Variants in DOCK1 observed in about 807,000 individuals in gnomAD.
DOCK1 encodes dedicator of cytokinesis 1.
Under a neutral mutation model 262.7 loss-of-function variants are expected in DOCK1, and 138 were observed. That is an observed-to-expected ratio of 0.53 (90% confidence interval 0.46 to 0.61). DOCK1 has a LOEUF of 0.61. DOCK1 is among the 20% of genes least tolerant of loss of function. The pLI, the probability that DOCK1 is intolerant of heterozygous loss-of-function variation, is 0.00. For synonymous variants in DOCK1, 866 were observed against 867.4 expected (o/e 1.00, Z 0.03); for missense variants, 1,908 against 2,370.7 (o/e 0.80, Z 4.05).
intron 29 of DOCK1, among the ~76,000 whole-genome samples, chr10:127,312,061 C>T (rs1326426985): frequency 6.6e-6 from 1 of 152,042 alleles, no homozygotes; most frequent in South Asian, 2.1e-4. Flanking sequence ...GACGGGGTTT[C>T]ACCATGTTGG....
At chr10:127,021,935 A>G (rs2042455009) in intron 13 of DOCK1, among the ~76,000 whole-genome samples, 1 of 152,046 alleles carries the variant, frequency 6.6e-6, no homozygotes, top group Non-Finnish European at 1.5e-5. Flanking sequence ...TCTTGACGGA[A>G]CCGCTCTTTG....
Position 127,404,363 on chromosome 10 carries a change from G to C in DOCK1, c.4056G>C (p.Val1352=), listed in dbSNP as rs758865822. 6.2e-7 allele frequency: 1 copy of C among 1,613,888 alleles called. No individual in the cohort carries two copies. Among genetic ancestry groups the C allele is most frequent in the Non-Finnish European group, 8.5e-7 (1 of 1,179,876 alleles). Reference sequence around the variant, plus strand: ...AGTTTTATGAAAACATCGTCAAAGTGATCAGGCCCAAGCCTGACTATTTTG... The same window carrying C: ...AGTTTTATGAAAACATCGTCAAAGTCATCAGGCCCAAGCCTGACTATTTTG... ...QAQFYENIVK[V]IRPKPDYFAV... is the part of the protein sequence containing the mutation. Residue 1352 remains valine, a synonymous_variant, in exon 40 of 52, where the codon GTG becomes GTC. Coordinates refer to ENST00000623213, the MANE Select transcript of DOCK1 (RefSeq NM_001290223.2).
chr10:127,219,022 C>T (rs923828219), intron 27 of DOCK1, among the ~76,000 whole-genome samples: 1 of 152,206 alleles, frequency 6.6e-6, no homozygotes, highest in Non-Finnish European at 1.5e-5. Context: ...TTAAAGGATG[C>T]ACTTCTTAAT....
intron 19 of DOCK1, among the ~76,000 whole-genome samples, chr10:127,038,957 A>G (rs2043839768): frequency 6.6e-6 from 1 of 152,184 alleles, no homozygotes; most frequent in South Asian, 2.1e-4. Flanking sequence ...GTGGCGTTCT[A>G]TAAGCATAGA....
intron 23 of DOCK1, among the ~76,000 whole-genome samples, chr10:127,091,152 T>G (rs1434052397): frequency 6.6e-6 from 1 of 152,040 alleles, no homozygotes; most frequent in African/African-American, 2.4e-5. Flanking sequence ...TGGCTAATTT[T>G]TTTTGCATTT....
intron 18 of DOCK1, among the ~76,000 whole-genome samples, chr10:127,036,247 G>C (rs892781738): frequency 5.3e-5 from 8 of 152,158 alleles, no homozygotes; most frequent in African/African-American, 1.9e-4. Context: ...AGTGGTTGCT[G>C]CATGCTGGTG....
At position 127,176,470 on chromosome 10, in the gene DOCK1, C is replaced by G. The variant is rs1008018658; in HGVS notation, c.2847+48706C>G. ...CACACTCAAGCACCGGCCGCACAAA[C>G]TTTTAGCCACCACGACGACTGCCTG... On this transcript the variant is annotated intron_variant, in intron 27 of 51. Coordinates refer to ENST00000623213, the MANE Select transcript of DOCK1 (RefSeq NM_001290223.2). The surrounding 1 kb of genome is among the most constrained non-coding windows in gnomAD (Gnocchi z 4.4). The G allele has an allele frequency of 4.6e-6, 6 of 1,302,096 alleles. No individual in the cohort carries two copies. The highest frequency in any genetic ancestry group is 4.2e-6 in the Non-Finnish European group (4 of 947,978). The allele number at this position is 1,302,096 out of a possible 1,614,324, so 80.7% of individuals were successfully genotyped here. A position where few individuals can be genotyped will look rare whatever the true frequency, so the allele number is the denominator to read the frequency against.
Position 127,072,239 on chromosome 10 carries a change from G to A in DOCK1, c.2445+10463G>A, listed in dbSNP as rs188073237. 2.0e-5 allele frequency among the ~76,000 whole-genome samples: 3 copies of A among 152,272 alleles called. No individual in the cohort carries two copies. In the East Asian group the frequency reaches 5.8e-4, roughly 29 times the overall value. On this transcript the variant is annotated intron_variant, in intron 23 of 51. Coordinates refer to ENST00000623213, the MANE Select transcript of DOCK1 (RefSeq NM_001290223.2). The stretch of plus-strand genomic sequence containing the variant: ...TCATTGTTGAGTTATGTATTCACCT[G>A]TTTAAAAAATTCCTTCAATCATATG...
chr10:127,438,070 C>T (rs753331113), intron 48 of DOCK1, among the ~76,000 whole-genome samples: 2 of 152,278 alleles, frequency 1.3e-5, no homozygotes, highest in Non-Finnish European at 2.9e-5. Context: ...GTTTTTCAGG[C>T]GGGCCCATGC....
chr10:127,414,781 A>G (rs1355071630), intron 43 of DOCK1, among the ~76,000 whole-genome samples: 1 of 152,256 alleles, frequency 6.6e-6, no homozygotes, highest in Non-Finnish European at 1.5e-5. Context: ...TGAACACTGT[A>G]GCTAATGTAA....
intron 29 of DOCK1, among the ~76,000 whole-genome samples, chr10:127,262,284 G>A (rs1305519524): frequency 1.3e-5 from 2 of 152,026 alleles, no homozygotes; most frequent in Non-Finnish European, 2.9e-5. Context: ...CTGTGTGTGT[G>A]TACCTGTGTG....
chr10:127,074,134 C>A (rs1174099474), intron 23 of DOCK1, among the ~76,000 whole-genome samples: 2 of 152,166 alleles, frequency 1.3e-5, no homozygotes, highest in Non-Finnish European at 2.9e-5. Flanking sequence ...TGCAAAATTT[C>A]ATTAAAATTG....
intron 2 of DOCK1, among the ~76,000 whole-genome samples, chr10:126,975,347 G>A (rs1313626050): frequency 6.6e-6 from 1 of 152,128 alleles, no homozygotes; most frequent in Non-Finnish European, 1.5e-5. Context: ...GATGTCTTTG[G>A]GCTGCGTTCC....
intron 22 of DOCK1, among the ~76,000 whole-genome samples, chr10:127,058,519 G>A (rs1435183444): frequency 1.3e-5 from 2 of 151,922 alleles, no homozygotes; most frequent in African/African-American, 4.8e-5. Context: ...ATTAAGTAAT[G>A]TTAGATTTAT....
intron 49 of DOCK1, among the ~76,000 whole-genome samples, chr10:127,443,918 A>T (rs7075546): frequency 0.32 from 49,286 of 151,770 alleles, 8,394 homozygotes; most frequent in East Asian, 0.44. Context: ...CCGGTCCCCC[A>T]TTCCTTTTCA....
rs575343345 is a variant in DOCK1 at position 127,150,222 on chromosome 10, T to C, written c.2847+22458T>C. Among the ~76,000 whole-genome samples, 3 of 152,318 alleles carry C rather than the reference T, an allele frequency of 2.0e-5. No individual in the cohort carries two copies. In the South Asian group the frequency reaches 6.2e-4, roughly 32 times the overall value. On this transcript the variant is annotated intron_variant, in intron 27 of 51. Transcript: ENST00000623213. ...CCTCCTGCCCAAGGAACTCACTGGG[T>C]TCTGAACACTTTTCTACCGAAGAAA...
At chr10:127,024,020 C>G (rs1478239691) in intron 14 of DOCK1, among the ~76,000 whole-genome samples, 1 of 152,178 alleles carries the variant, frequency 6.6e-6, no homozygotes, top group Admixed American at 6.5e-5. Context: ...GCCACAGCAG[C>G]CTGCAGGGTC....
At chr10:127,102,859 A>G (rs1364853705) in intron 23 of DOCK1, among the ~76,000 whole-genome samples, 1 of 152,208 alleles carries the variant, frequency 6.6e-6, no homozygotes, top group African/African-American at 2.4e-5. Flanking sequence ...GGTACAATTT[A>G]CATACAGTAA....
chr10:127,374,852 G>A (rs918460726), intron 35 of DOCK1, among the ~76,000 whole-genome samples: 9 of 152,194 alleles, frequency 5.9e-5, no homozygotes, highest in Non-Finnish European at 1.5e-5. Flanking sequence ...CGGAGGCCAG[G>A]AAGGATCCCC....
Sources: gnomAD v4.1 joint callset for allele counts (sites outside exome capture counted in the v4.1 genomes callset) on GRCh38, gnomAD v4.1.1 for gene constraint, Gnocchi (gnomAD v3.1) non-coding constraint, MANE v1.5 for transcripts, NCBI Gene and HGNC (gene_info 2026-07-23, HGNC 2026-07-21) for gene names.